TASOR: variants seen among roughly 807,000 people sequenced by gnomAD.
TASOR encodes transcription activation suppressor.
In TASOR, 53 loss-of-function variants were observed where a neutral mutation model predicts 178.6. The ratio of observed to expected loss-of-function variants is 0.30; its 90% CI spans 0.24 to 0.37. TASOR has a LOEUF of 0.37. Ranked by LOEUF, TASOR falls within the 10% of genes least tolerant of loss-of-function variation. The pLI is 1.00. For synonymous variants in TASOR, 713 were observed against 696.2 expected (o/e 1.02, Z -0.38); for missense variants, 1,815 against 1,971.4 (o/e 0.92, Z 1.50).
intron 1 of TASOR, 102 bp downstream of exon 1, chr3:56,682,574 G>C (rs893550787): frequency 9.1e-7 from 1 of 1,104,454 alleles, no homozygotes; most frequent in African/African-American, 1.6e-5. Flanking sequence ...CTGCATGCGT[G>C]TTTACGTATC....
At chr3:56,653,532 A>G (rs1470046238) in intron 11 of TASOR, among the ~76,000 whole-genome samples, 1 of 151,974 alleles carries the variant, frequency 6.6e-6, no homozygotes, top group Non-Finnish European at 1.5e-5. Flanking sequence ...GCTAACCCCT[A>G]AACAAAAATA....
rs139772837 is a variant in TASOR, at chr3:56,649,146, GA to G, written c.1369-90del. 1.0e-2 allele frequency: 9,151 copies of G among 918,212 alleles called. 595 individuals are homozygous for G. The African/African-American group carries it at 0.13, about 14-fold the overall frequency. The allele number at this position is 918,212 out of a possible 1,614,324, so 56.9% of individuals were successfully genotyped here. A position where few individuals can be genotyped will look rare whatever the true frequency, so the allele number is the denominator to read the frequency against. ...CACAGCATTTTCTACTAATTGTAAA[GA>G]AAAAAAGTTCTTAATCATCTTTTAA... On this transcript the variant is annotated intron_variant, in intron 11 of 23. Transcript: ENST00000683822.
chr3:56,672,002 C>T (rs1382261810), intron 2 of TASOR, among the ~76,000 whole-genome samples: 1 of 152,148 alleles, frequency 6.6e-6, no homozygotes, highest in Non-Finnish European at 1.5e-5. Flanking sequence ...TTTTACTTAA[C>T]ATGGTACACT....
chr3:56,660,157 C>T (rs1388846390), intron 11 of TASOR, among the ~76,000 whole-genome samples: 1 of 151,882 alleles, frequency 6.6e-6, no homozygotes, highest in African/African-American at 2.4e-5. Context: ...CACCAACGCC[C>T]GGCCTGATAA....
chr3:56,641,418 T>C lies in TASOR; in HGVS notation c.2550A>G (p.Ala850=), dbSNP rs543384323. 57 of 1,604,114 alleles carry C rather than the reference T, an allele frequency of 3.6e-5. 1 individual carries two copies. The South Asian group carries it at 4.5e-4, about 13-fold the overall frequency. Residue 850 remains alanine (A), a synonymous_variant, in exon 15 of 24, where the codon GCA becomes GCG. Transcript: ENST00000683822. ...AAATAGCAACAGAATACTTAGATGT[T>C]GCATCAACTTCTAGTAATAAGCTCT... ...GTQSLLLEVD[A]TSKYSVAIST...
rs1336831247 is a variant in TASOR at position 56,647,126 on chromosome 3, C to T, written c.1611G>A (p.Gln537=). Reference sequence around the variant, plus strand: ...TTATATTTTTGAATTCCTTTCGACACTGAATCAAAGAAAATTGTAAAAACT... The same window carrying T: ...TTATATTTTTGAATTCCTTTCGACATTGAATCAAAGAAAATTGTAAAAACT... ...IAQFLQFSLI[Q]CRKEFKNISA... The change falls in exon 14 of 24, where the codon CAG becomes CAA. Residue 537 remains glutamine (Q), a synonymous_variant. Transcript: ENST00000683822. The T allele has an allele frequency of 2.5e-6, 4 of 1,606,936 alleles. No homozygotes were observed. The South Asian group carries it at 4.5e-5, about 18-fold the overall frequency.
rs1366463719 is a variant in TASOR at position 56,682,891 on chromosome 3, T to C, written c.116A>G (p.Gln39Arg). The C allele has an allele frequency of 6.5e-7, 1 of 1,539,986 alleles. No individual in the cohort carries two copies. The highest frequency in any genetic ancestry group is 8.8e-7 in the Non-Finnish European group (1 of 1,137,800). Residue 39 changes from glutamine to arginine, a missense_variant, in exon 1 of 24, where the codon CAA (glutamine) becomes CGA (arginine). By Grantham distance (43) the Gln-to-Arg change is conservative. Around this residue, in one of 5 missense-constraint regions of TASOR, gnomAD observed 244 missense variants for 202.7 expected, o/e 1.20. Transcript: ENST00000683822. Reference sequence around the variant, plus strand: ...GTTGAGGCCGCCGCCGCCGCCATTTTGTTGGGAGGACTCAAGCTCCGGAAG... The same window carrying C: ...GTTGAGGCCGCCGCCGCCGCCATTTCGTTGGGAGGACTCAAGCTCCGGAAG... Reference protein sequence around the residue: ...QALPELESSQQNGGGGGLNIA... With the variant: ...QALPELESSQRNGGGGGLNIA...
At chr3:56,654,680 C>T (rs1201500306) in intron 11 of TASOR, among the ~76,000 whole-genome samples, 1 of 152,102 alleles carries the variant, frequency 6.6e-6, no homozygotes, top group Non-Finnish European at 1.5e-5. Context: ...AGCTGAAGGC[C>T]TAAAGAGAAT....
At chr3:56,680,051 C>T (rs903005814) in intron 1 of TASOR, among the ~76,000 whole-genome samples, 2 of 152,114 alleles carry the variant, frequency 1.3e-5, no homozygotes, top group African/African-American at 4.8e-5. Flanking sequence ...AGGGGGGGAA[C>T]AGTTTTTGTT....
chr3:56,677,166 T>A (rs908831464), intron 1 of TASOR, among the ~76,000 whole-genome samples: 50 of 152,250 alleles, frequency 3.3e-4, no homozygotes, highest in Non-Finnish European at 4.4e-4. Flanking sequence ...TAACACTACA[T>A]GTATCTCGAT....
intron 14 of TASOR, 35 bp downstream of exon 14, chr3:56,646,486 AT>A (rs2077240938): frequency 1.3e-6 from 2 of 1,514,464 alleles, no homozygotes; most frequent in South Asian, 1.3e-5. Flanking sequence ...GAACTACTTT[AT>A]TTTTGGCTGT....
At chr3:56,637,383 G>A (rs1228526258) in intron 17 of TASOR, among the ~76,000 whole-genome samples, 1 of 152,146 alleles carries the variant, frequency 6.6e-6, no homozygotes, top group African/African-American at 2.4e-5. Context: ...TCAGCCGGGT[G>A]CGGTGGCACA....
chr3:56,668,758 G>A (rs2030337397), intron 5 of TASOR, among the ~76,000 whole-genome samples, 200 bp from the exon 6 acceptor site: 1 of 152,008 alleles, frequency 6.6e-6, no homozygotes, highest in Non-Finnish European at 1.5e-5. Flanking sequence ...CGGATCACCT[G>A]AGGTCAGGAG....
In TASOR at chr3:56,621,629, T is replaced by C. The variant is rs757391227; in HGVS notation, c.*1408A>G. ...GGTTCTTCATTTTAAATGTAGAAAATCAAATCCTTCACATTTGATTTGTGT... is the reference window on the plus strand; with the variant it reads ...GGTTCTTCATTTTAAATGTAGAAAACCAAATCCTTCACATTTGATTTGTGT... On this transcript the variant is annotated 3_prime_UTR_variant, in exon 24 of 24. Transcript: ENST00000683822. 7 of 1,562,612 alleles carry C rather than the reference T, an allele frequency of 4.5e-6. No homozygotes were observed. Among genetic ancestry groups the C allele is most frequent in the East Asian group, 2.2e-5 (1 of 44,464 alleles).
chr3:56,653,782 A>G (rs1479423317), intron 11 of TASOR, among the ~76,000 whole-genome samples: 1 of 152,146 alleles, frequency 6.6e-6, no homozygotes, highest in Non-Finnish European at 1.5e-5. Flanking sequence ...CTGTTTCCCT[A>G]TACACATACC....
chr3:56,668,497 T>G lies in TASOR; in HGVS notation c.797A>C (p.Lys266Thr), dbSNP rs1325533699. The G allele has an allele frequency of 1.3e-6, 2 of 1,551,584 alleles. No homozygotes were observed. The highest frequency in any genetic ancestry group is 8.7e-7 in the Non-Finnish European group (1 of 1,146,852). ...GVKSLESMLN[K>T]SALDPTPKHE... Reference sequence around the variant, plus strand: ...CTTTGGTGTGGGGTCCAAAGCACTCTTATTTAACATAGATTCCAAACTTTT... The same window carrying G: ...CTTTGGTGTGGGGTCCAAAGCACTCGTATTTAACATAGATTCCAAACTTTT... Residue 266 changes from lysine (K) to threonine (T), a missense_variant, in exon 6 of 24, where the codon AAG becomes ACG. Coordinates refer to ENST00000683822, the MANE Select transcript of TASOR (RefSeq NM_001365635.2).
chr3:56,625,614 T>C (rs1260268220), intron 21 of TASOR, among the ~76,000 whole-genome samples: 1 of 151,946 alleles, frequency 6.6e-6, no homozygotes, highest in Non-Finnish European at 1.5e-5. Context: ...TCTATTACAC[T>C]CCAGTCTGGG....
intron 1 of TASOR, among the ~76,000 whole-genome samples, chr3:56,674,038 T>G (rs146225333): frequency 6.6e-6 from 1 of 152,052 alleles, no homozygotes; most frequent in Admixed American, 6.6e-5. Flanking sequence ...TAAAAGAACC[T>G]GTGTTTATAC....
At chr3:56,673,340 G>A (rs1160975846) in intron 2 of TASOR, among the ~76,000 whole-genome samples, 2 of 149,852 alleles carry the variant, frequency 1.3e-5, no homozygotes, top group Non-Finnish European at 3.0e-5. Context: ...GCTGAGGCAG[G>A]AGAACTGCTT....
Sources: gnomAD v4.1 joint callset for allele counts (sites outside exome capture counted in the v4.1 genomes callset) on GRCh38, gnomAD v4.1.1 for gene constraint, gnomAD v4.1.1 regional missense constraint, MANE v1.5 for transcripts, NCBI Gene and HGNC (gene_info 2026-07-23, HGNC 2026-07-21) for gene names.